Variants in DLG3 observed in about 807,000 individuals in gnomAD.
DLG3 encodes discs large MAGUK scaffold protein 3.
Under a neutral mutation model 64.1 loss-of-function variants are expected in DLG3, and 1 was observed. The ratio of observed to expected loss-of-function variants is 0.02; its 90% confidence interval spans 0.01 to 0.07. The LOEUF is 0.07. Among genes scored for constraint, DLG3 ranks in the 10% least tolerant of loss-of-function variants. DLG3 has a pLI of 1.00. For synonymous variants in DLG3, 245 were observed against 259.8 expected (o/e 0.94, Z 0.55); for missense variants, 429 against 669.5 (o/e 0.64, Z 3.96).
intron 9 of DLG3, among the ~76,000 whole-genome samples, chrX:70,470,522 C>T (rs374655265): frequency 8.0e-5 from 9 of 111,950 alleles, no homozygotes; most frequent in African/African-American, 2.9e-4. Context: ...TGAGCCACTG[C>T]ACCCAGCGTC....
chrX:70,455,566 C>A (rs1278925233), intron 9 of DLG3, among the ~76,000 whole-genome samples: 1 of 109,964 alleles, frequency 9.1e-6, no homozygotes, highest in Non-Finnish European at 1.9e-5. Flanking sequence ...CTGCCTCAGC[C>A]CCCTTCCTGC....
At chrX:70,502,074 T>G in intron 18 of DLG3, 89 bp from the exon 19 acceptor site, 1 of 686,930 alleles carries the variant, frequency 1.5e-6, no homozygotes, top group Non-Finnish European at 2.3e-6. Flanking sequence ...GAGGGGGGAC[T>G]TGTAGGATTG....
At chrX:70,495,798 G>A (rs1302626759) in intron 13 of DLG3, among the ~76,000 whole-genome samples, 1 of 111,755 alleles carries the variant, frequency 8.9e-6, no homozygotes, top group East Asian at 2.8e-4. Flanking sequence ...GAAGGGAGGG[G>A]TGCCTGCTGG....
In DLG3 at chrX:70,451,970, C is replaced by G. The variant is rs368949006; in HGVS notation, c.1089C>G (p.Pro363=). Reference sequence around the variant, plus strand: ...GCTACCCTGCTCCTCCTCAGGTTCCCCCCACCCGCTACTCTCCTATTCCCA... The same window carrying G: ...GCTACCCTGCTCCTCCTCAGGTTCCGCCCACCCGCTACTCTCCTATTCCCA... ...KVSYPAPPQV[P]PTRYSPIPRH... Residue 363 remains proline, a synonymous_variant, in exon 7 of 19, where the codon CCC becomes CCG. Coordinates refer to ENST00000374360, the MANE Select transcript of DLG3 (RefSeq NM_021120.4). 3 of 1,209,217 alleles carry G rather than the reference C, an allele frequency of 2.5e-6. No homozygotes were observed. The African/African-American group carries it at 5.3e-5, about 21-fold the overall frequency.
intron 13 of DLG3, among the ~76,000 whole-genome samples, chrX:70,497,374 C>A (rs1400118918): frequency 1.8e-5 from 2 of 112,722 alleles, no homozygotes; most frequent in Non-Finnish European, 3.7e-5. Context: ...GTGGCCAGTT[C>A]ATTCTCCTTA....
At position 70,450,163 on chromosome X, in the gene DLG3, G is replaced by A. The variant is rs756603402; in HGVS notation, c.704-6G>A. On this transcript the variant is annotated splice_polypyrimidine_tract_variant and splice_region_variant and intron_variant, in intron 4 of 18. Coordinates refer to ENST00000374360, the MANE Select transcript of DLG3 (RefSeq NM_021120.4). ...CCTCTCCCACCTCCTGCTGGCTCCC[G>A]CTCAGGCCTGGGTTTCAGCATTGCT... 8 of 1,208,642 alleles carry A rather than the reference G, an allele frequency of 6.6e-6. No homozygotes were observed. Among genetic ancestry groups the A allele is most frequent in the African/African-American group, 3.5e-5 (2 of 57,143 alleles).
At chrX:70,452,358 C>G (rs1355031388) in intron 7 of DLG3, 1 of 984,306 alleles carries the variant, frequency 1.0e-6, no homozygotes, top group Non-Finnish European at 1.3e-6. Context: ...AGTTGCAGCC[C>G]GCTCTGCTGC....
At chrX:70,450,806 C>T in intron 6 of DLG3, 23 bp downstream of exon 6, 1 of 1,211,255 alleles carries the variant, frequency 8.3e-7, no homozygotes, top group Non-Finnish European at 1.1e-6. Flanking sequence ...CAGCCCCTGT[C>T]CCTGGTCTAA....
intron 9 of DLG3, among the ~76,000 whole-genome samples, chrX:70,456,584 T>C (rs1256510059): frequency 1.8e-5 from 2 of 111,970 alleles, no homozygotes; most frequent in African/African-American, 6.5e-5. Context: ...GAGTTTATAA[T>C]GTAGGTTGAG....
At chrX:70,466,247 TTGTGTGTGTGTGTGTGTGTGTGTGTG>T (rs61083333) in intron 9 of DLG3, among the ~76,000 whole-genome samples, 2 of 84,445 alleles carry the variant, frequency 2.4e-5, no homozygotes, top group African/African-American at 8.9e-5. Flanking sequence ...TCTTGGTCAT[TTGTGTGTGTGTGTGTGTGTGTGTGTG>T]TGTGTGTGTG....
intron 9 of DLG3, among the ~76,000 whole-genome samples, chrX:70,462,150 C>G (rs1380738733): frequency 9.8e-6 from 1 of 101,755 alleles, no homozygotes; most frequent in African/African-American, 3.6e-5. Context: ...AGTATGTGGC[C>G]TTTTGTGTTT....
At chrX:70,449,087 C>A in intron 2 of DLG3, 124 bp downstream of exon 2, 1 of 842,413 alleles carries the variant, frequency 1.2e-6, no homozygotes, top group Non-Finnish European at 1.7e-6. Flanking sequence ...GGTGAAACAG[C>A]GGCCCTCAGA....
chrX:70,457,192 G>T (rs878964402), intron 9 of DLG3, among the ~76,000 whole-genome samples: 2 of 111,989 alleles, frequency 1.8e-5, no homozygotes, highest in East Asian at 5.6e-4. Context: ...AGGTCTACCA[G>T]TTGGGACAGA....
At chrX:70,490,421 A>G (rs2147868992) in intron 10 of DLG3, among the ~76,000 whole-genome samples, 1 of 111,818 alleles carries the variant, frequency 8.9e-6, no homozygotes, top group South Asian at 3.8e-4. Flanking sequence ...TCTGTCACAC[A>G]TAGCCCGGAA....
At chrX:70,500,653 A>T in intron 17 of DLG3, 73 bp downstream of exon 17, 1 of 906,365 alleles carries the variant, frequency 1.1e-6, no homozygotes, top group Non-Finnish European at 1.6e-6. Context: ...GAAGAAAGTG[A>T]TTTGCTGGGC....
intron 14 of DLG3, among the ~76,000 whole-genome samples, chrX:70,498,807 A>G (rs2087503965): frequency 9.0e-6 from 1 of 111,643 alleles, no homozygotes; most frequent in Non-Finnish European, 1.9e-5. Flanking sequence ...CACCTTCCAA[A>G]GGAGGGGGCA....
intron 9 of DLG3, among the ~76,000 whole-genome samples, chrX:70,475,052 C>T (rs928922597): frequency 3.6e-5 from 4 of 110,597 alleles, no homozygotes; most frequent in Non-Finnish European, 5.7e-5. Context: ...CAGTGCAGGC[C>T]GGGCATGGTG....
In DLG3 at chrX:70,450,671, C is replaced by T. The variant is rs370169893; in HGVS notation, c.873C>T (p.His291=). 1.8e-4 allele frequency: 213 copies of T among 1,209,798 alleles called. No homozygotes were observed. Among genetic ancestry groups the T allele is most frequent in the South Asian group, 7.6e-4 (43 of 56,733 alleles). Residue 291 remains histidine, a synonymous_variant, in exon 6 of 19, where the codon CAC becomes CAT. Transcript: ENST00000374360. The part of the protein sequence containing the change: ...VNNTNLQDVR[H]EEAVASLKNT... ...ACACCAATCTGCAGGATGTGAGGCA[C>T]GAGGAAGCTGTGGCCTCACTGAAGA...
intron 9 of DLG3, among the ~76,000 whole-genome samples, chrX:70,455,437 C>G (rs1024092703): frequency 1.6e-4 from 17 of 108,986 alleles, no homozygotes; most frequent in African/African-American, 5.4e-4. Context: ...CCCCTCGGAG[C>G]GCCGCGCGGG....
Sources: allele counts gnomAD v4.1 joint callset (sites outside exome capture counted in the v4.1 genomes callset), GRCh38; gene constraint gnomAD v4.1.1; transcripts MANE v1.5; gene names NCBI Gene and HGNC (gene_info 2026-07-23, HGNC 2026-07-21).